RGSL1: variants seen among roughly 807,000 people sequenced by gnomAD.
RGSL1 encodes regulator of G protein signaling protein-like.
In RGSL1, 97 loss-of-function variants were observed where a neutral mutation model predicts 124.7. The observed-to-expected ratio is 0.78, with a 90% confidence interval of 0.66 to 0.92. The LOEUF (loss-of-function observed/expected upper bound fraction) is 0.92, where lower values mean the gene tolerates loss of function less well. Ranked by LOEUF, RGSL1 falls within the 40% of genes least tolerant of loss-of-function variation. The probability of loss-of-function intolerance (pLI) is 0.00; values close to 1 mark genes in which losing one functional copy is unlikely to be tolerated. For synonymous variants in RGSL1, 424 were observed against 438.1 expected (o/e 0.97, Z 0.40); for missense variants, 1,233 against 1,288.4 (o/e 0.96, Z 0.66).
chr1:182,533,196 A>T (rs554458473), intron 14 of RGSL1, among the ~76,000 whole-genome samples: 26 of 150,480 alleles, frequency 1.7e-4, no homozygotes, highest in Admixed American at 5.3e-4. Context: ...AACATTGTTA[A>T]TGCTTGTAAA....
chr1:182,530,340 T>A lies in RGSL1; in HGVS notation c.2222T>A (p.Met741Lys), dbSNP rs1373834618. 1.3e-6 allele frequency: 2 copies of A among 1,550,800 alleles called. No individual in the cohort carries two copies. The highest frequency in any genetic ancestry group is 1.7e-4 in the Middle Eastern group (1 of 5,986). The change falls in exon 12 of 22, where the codon ATG (methionine) becomes AAG (lysine). Residue 741 changes from methionine (M) to lysine (K), a missense_variant. By Grantham distance (95) the Met-to-Lys change is moderately conservative. Coordinates refer to ENST00000294854, the MANE Select transcript of RGSL1 (RefSeq NM_001137669.2). ...STLLTLQGHVMKSIEEKWFKD... is the reference protein window; with the variant it reads ...STLLTLQGHVKKSIEEKWFKD... Reference sequence around the variant, plus strand: ...CTGTTAACGCTCCAGGGACATGTTATGAAATCTATAGAAGAAAAGTGGTGA... The same window carrying A: ...CTGTTAACGCTCCAGGGACATGTTAAGAAATCTATAGAAGAAAAGTGGTGA...
At chr1:182,485,700 T>C (rs1655046353) in intron 6 of RGSL1, among the ~76,000 whole-genome samples, 1 of 152,210 alleles carries the variant, frequency 6.6e-6, no homozygotes, top group South Asian at 2.1e-4. Flanking sequence ...AGTGTCCAGA[T>C]TCCTGCTCAG....
At chr1:182,552,578 C>T (rs1660633173) in intron 18 of RGSL1, among the ~76,000 whole-genome samples, 1 of 152,212 alleles carries the variant, frequency 6.6e-6, no homozygotes, top group African/African-American at 2.4e-5. Flanking sequence ...AGACCTTGAG[C>T]ATGGTGCTCC....
At chr1:182,550,677 G>C (rs1448199504) in intron 17 of RGSL1, 1 of 163,146 alleles carries the variant, frequency 6.1e-6, no homozygotes, top group African/African-American at 2.5e-5. Context: ...AAGGCTGTCA[G>C]TAAGTGGCAG....
chr1:182,448,194 ATTTATTTG>A (rs879585436), upstream of RGSL1: 335 of 92,334 alleles, frequency 3.6e-3, 2 homozygotes, highest in Middle Eastern at 0.011. Flanking sequence ...TTAGAAACCA[ATTTATTTG>A]TTTGTTTGTT....
chr1:182,511,338 AT>A (rs1360546376), intron 9 of RGSL1, among the ~76,000 whole-genome samples: 1 of 151,932 alleles, frequency 6.6e-6, no homozygotes, highest in African/African-American at 2.4e-5. Flanking sequence ...CTAATTTTGT[AT>A]TTTTAGTAGA....
intron 8 of RGSL1, among the ~76,000 whole-genome samples, chr1:182,489,888 G>A (rs1655392319): frequency 6.6e-6 from 1 of 152,162 alleles, no homozygotes; most frequent in Non-Finnish European, 1.5e-5. Flanking sequence ...GTTCAATACT[G>A]TAAATGTTAG....
At chr1:182,506,266 A>G (rs1381058903) in intron 9 of RGSL1, among the ~76,000 whole-genome samples, 2 of 152,178 alleles carry the variant, frequency 1.3e-5, no homozygotes, top group African/African-American at 2.4e-5. Flanking sequence ...TGAGTGCAGT[A>G]TTCTGTATAT....
At chr1:182,529,493 G>A (rs796940683) in intron 11 of RGSL1, among the ~76,000 whole-genome samples, 1 of 152,166 alleles carries the variant, frequency 6.6e-6, no homozygotes, top group South Asian at 2.1e-4. Flanking sequence ...GTTTCCTAAG[G>A]TGGGAGGGTA....
chr1:182,461,420 G>C (rs1652824616), intron 4 of RGSL1, among the ~76,000 whole-genome samples: 2 of 151,922 alleles, frequency 1.3e-5, no homozygotes, highest in African/African-American at 4.8e-5. Context: ...CACATCATTA[G>C]GTTCAAATAT....
At chr1:182,479,512 A>T (rs1317518164) in intron 6 of RGSL1, among the ~76,000 whole-genome samples, 1 of 152,198 alleles carries the variant, frequency 6.6e-6, no homozygotes, top group Non-Finnish European at 1.5e-5. Context: ...CCTAAAAGAT[A>T]AAAAGAAAAT....
intron 9 of RGSL1, among the ~76,000 whole-genome samples, chr1:182,509,612 C>T (rs1469960988): frequency 7.9e-5 from 10 of 127,294 alleles, no homozygotes; most frequent in East Asian, 7.5e-4. Context: ...CCAGTAGGGG[C>T]GGCTGGGCAG....
chr1:182,532,774 T>G lies in RGSL1; in HGVS notation c.2477T>G (p.Met826Arg). 6.4e-7 allele frequency: 1 copy of G among 1,550,458 alleles called. No homozygotes were observed. Among genetic ancestry groups the G allele is most frequent in the East Asian group, 2.4e-5 (1 of 40,886 alleles). The change falls in exon 14 of 22, where the codon ATG (methionine) becomes AGG (arginine). Residue 826 changes from methionine (M) to arginine (R), a missense_variant. Transcript: ENST00000294854. The stretch of plus-strand genomic sequence containing the variant: ...TTTGAAGACTATCTTCACCAGGAAA[T>G]GCAAAATAGCAAGGAAAGTAAGTCA... ...QEFEDYLHQE[M>R]QNSKENFTTA...
chr1:182,495,731 A>G (rs1410881257), intron 9 of RGSL1, among the ~76,000 whole-genome samples: 2 of 152,116 alleles, frequency 1.3e-5, no homozygotes, highest in Non-Finnish European at 2.9e-5. Context: ...AAACAGGTTC[A>G]GCTTTTTTCC....
Position 182,494,711 on chromosome 1 carries a change from T to A in RGSL1, c.1825+1582T>A, listed in dbSNP as rs564513232. Among the ~76,000 whole-genome samples, 3 of 152,292 alleles carry A rather than the reference T, an allele frequency of 2.0e-5. No individual in the cohort carries two copies. The South Asian group carries it at 6.2e-4, about 32-fold the overall frequency. On this transcript the variant is annotated intron_variant, in intron 9 of 21. Coordinates refer to ENST00000294854, the MANE Select transcript of RGSL1 (RefSeq NM_001137669.2). ...CTACTGAAGACACACCTTATAATGG[T>A]CTTTGAATTATCCTGGAAGATGATG...
intron 9 of RGSL1, among the ~76,000 whole-genome samples, 181 bp from the exon 10 acceptor site, chr1:182,521,823 A>T (rs113107750): frequency 1.6e-4 from 25 of 152,240 alleles, no homozygotes; most frequent in African/African-American, 5.8e-4. Flanking sequence ...TGTTCATGTC[A>T]GGGGTATCAG....
intron 4 of RGSL1, among the ~76,000 whole-genome samples, chr1:182,465,916 G>A (rs1040369979): frequency 2.6e-5 from 4 of 151,968 alleles, no homozygotes; most frequent in Admixed American, 1.3e-4. Context: ...AGTCTGCAAT[G>A]AAATACTAGC....
At chr1:182,460,850 G>C (rs1652770170) in intron 4 of RGSL1, 1 of 405,534 alleles carries the variant, frequency 2.5e-6, no homozygotes, top group South Asian at 1.8e-5. Context: ...TTCAATTTCA[G>C]CTCTTTGCAC....
At chr1:182,544,826 T>C (rs1248222910) in intron 15 of RGSL1, among the ~76,000 whole-genome samples, 3 of 152,124 alleles carry the variant, frequency 2.0e-5, no homozygotes, top group Non-Finnish European at 4.4e-5. Flanking sequence ...CTTTTTTTGG[T>C]TTCTACTCAC....
Sources: allele counts gnomAD v4.1 joint callset (sites outside exome capture counted in the v4.1 genomes callset), GRCh38; gene constraint gnomAD v4.1.1; transcripts MANE v1.5; gene names NCBI Gene and HGNC (gene_info 2026-07-23, HGNC 2026-07-21).